Variants in DLG2 observed in about 807,000 individuals in gnomAD.
The protein encoded by DLG2 is disks large homolog 2.
Under a neutral mutation model 132.5 loss-of-function variants are expected in DLG2, and 45 were observed. The observed-to-expected ratio is 0.34, with a 90% CI of 0.27 to 0.44. The LOEUF (loss-of-function observed/expected upper bound fraction) is 0.44. Among genes scored for constraint, DLG2 ranks in the 20% least tolerant of loss-of-function variants. DLG2 has a pLI of 1.00. For synonymous variants in DLG2, 424 were observed against 419.6 expected, an observed-to-expected ratio of 1.01 and a Z score of -0.13; for missense variants, 1,045 against 1,196.9, an observed-to-expected ratio of 0.87 and a Z score of 1.87.
Position 84,725,997 on chromosome 11 carries a change from C to T in DLG2, c.358-191266G>A, listed in dbSNP as rs543844765. ...CTCCTTAGACCCTTTCTCAGCTCTT[C>T]CATACTCCTCTTACTGAAGAACACA... is the stretch of plus-strand genomic sequence containing the variant. On this transcript the variant is annotated intron_variant, in intron 6 of 27. Coordinates refer to ENST00000376104, the MANE Select transcript of DLG2 (RefSeq NM_001142699.3). Among the ~76,000 whole-genome samples, 2 of 152,230 alleles carry T rather than the reference C, an allele frequency of 1.3e-5. 1 individual carries two copies. Among genetic ancestry groups the T allele is most frequent in the South Asian group, 4.2e-4 (2 of 4,816 alleles).
intron 6 of DLG2, among the ~76,000 whole-genome samples, chr11:85,018,349 G>A (rs1051864305): frequency 6.6e-6 from 1 of 152,088 alleles, no homozygotes; most frequent in African/African-American, 2.4e-5. Flanking sequence ...CACTTTATAT[G>A]TACCTGGAAG....
At chr11:84,445,377 G>T (rs1345378905) in intron 7 of DLG2, among the ~76,000 whole-genome samples, 3 of 152,054 alleles carry the variant, frequency 2.0e-5, no homozygotes, top group Non-Finnish European at 4.4e-5. Flanking sequence ...AATGATAGTA[G>T]ACTAGACTTT....
intron 9 of DLG2, among the ~76,000 whole-genome samples, 179 bp downstream of exon 9, chr11:84,163,282 G>A (rs994533152): frequency 3.3e-5 from 5 of 152,050 alleles, no homozygotes; most frequent in Non-Finnish European, 1.5e-5. Flanking sequence ...CAGTTATTTG[G>A]TCTGCTGTCT....
chr11:85,021,722 G>T, intron 6 of DLG2: 1 of 757,322 alleles, frequency 1.3e-6, no homozygotes, highest in Non-Finnish European at 2.3e-6. Flanking sequence ...TCCCATAGGA[G>T]TGAGGAGGGA....
chr11:85,209,443 G>GTTTTTTT (rs1171176251), intron 4 of DLG2, among the ~76,000 whole-genome samples: 12 of 25,938 alleles, frequency 4.6e-4, no homozygotes, highest in Non-Finnish European at 9.4e-4. Flanking sequence ...AAAGAAATCA[G>GTTTTTTT]TCTTTTTTTT....
chr11:84,154,144 C>G (rs560358542), intron 9 of DLG2, among the ~76,000 whole-genome samples: 38 of 152,216 alleles, frequency 2.5e-4, no homozygotes, highest in Non-Finnish European at 3.8e-4. Flanking sequence ...ACTACAGGCA[C>G]ACGCCAACAT....
At chr11:83,634,765 T>C (rs1036988116) in intron 18 of DLG2, among the ~76,000 whole-genome samples, 1 of 152,188 alleles carries the variant, frequency 6.6e-6, no homozygotes, top group Non-Finnish European at 1.5e-5. Context: ...TCTAAAAGAT[T>C]TGACCTTAGT....
chr11:84,441,132 AATTATT>A (rs57445306), intron 7 of DLG2, among the ~76,000 whole-genome samples: 3 of 148,594 alleles, frequency 2.0e-5, no homozygotes, highest in African/African-American at 5.0e-5. Flanking sequence ...GATGTTAGTA[AATTATT>A]ATTATTATTA....
intron 6 of DLG2, among the ~76,000 whole-genome samples, chr11:85,107,927 T>TTAA (rs1555371723): frequency 7.6e-5 from 2 of 26,270 alleles, no homozygotes; most frequent in African/African-American, 1.6e-4. Flanking sequence ...GGACAAGTCT[T>TTAA]AAAAAAAAAA....
intron 3 of DLG2, among the ~76,000 whole-genome samples, chr11:85,415,504 C>A (rs1321811082): frequency 6.6e-6 from 1 of 152,188 alleles, no homozygotes; most frequent in Non-Finnish European, 1.5e-5. Context: ...TATTTCTCCA[C>A]ATCCTCTCCA....
intron 7 of DLG2, among the ~76,000 whole-genome samples, chr11:84,331,402 CA>C (rs1375423637): frequency 2.0e-5 from 3 of 147,370 alleles, no homozygotes; most frequent in Non-Finnish European, 4.5e-5. Context: ...AGTCAGATTC[CA>C]AATCCTGATG....
At chr11:85,384,978 T>G (rs778936627) in intron 3 of DLG2, among the ~76,000 whole-genome samples, 3 of 152,222 alleles carry the variant, frequency 2.0e-5, no homozygotes, top group Non-Finnish European at 4.4e-5. Flanking sequence ...AAAATTACAT[T>G]CTTAGCTCAT....
intron 4 of DLG2, among the ~76,000 whole-genome samples, chr11:85,217,286 G>A (rs1376955270): frequency 6.8e-6 from 1 of 147,416 alleles, no homozygotes; most frequent in East Asian, 2.0e-4. Flanking sequence ...ATATACCGCA[G>A]ATCCCACCAT....
At chr11:84,703,012 T>C (rs566780957) in intron 6 of DLG2, among the ~76,000 whole-genome samples, 1 of 151,812 alleles carries the variant, frequency 6.6e-6, no homozygotes, top group South Asian at 2.1e-4. Context: ...ATGCCTGATA[T>C]CACTTTGTCC....
In DLG2 at chr11:85,410,282, T is replaced by C. The variant is rs564875344; in HGVS notation, c.41-124917A>G. Among the ~76,000 whole-genome samples the C allele has an allele frequency of 2.0e-5, 3 of 151,910 alleles. No homozygotes were observed. The South Asian group carries it at 6.2e-4, about 31-fold the overall frequency. On this transcript the variant is annotated intron_variant, in intron 3 of 27. Transcript: ENST00000376104. ...CATCTTCTTCAAAGTGCAAGAGCTG[T>C]CTTGAGCAAGATAAATAAAATGTAA...
chr11:83,702,151 T>G (rs2083067337), intron 18 of DLG2, among the ~76,000 whole-genome samples: 2 of 152,188 alleles, frequency 1.3e-5, no homozygotes, highest in Admixed American at 1.3e-4. Flanking sequence ...TCCCCTTAAC[T>G]TTCACTTTTT....
chr11:83,783,964 T>C (rs1019979028), intron 18 of DLG2, among the ~76,000 whole-genome samples: 3 of 152,216 alleles, frequency 2.0e-5, no homozygotes, highest in Non-Finnish European at 4.4e-5. Flanking sequence ...AAAAAATCCT[T>C]GAAGACAAAG....
intron 7 of DLG2, among the ~76,000 whole-genome samples, chr11:84,278,896 T>C (rs2097819953): frequency 6.6e-6 from 1 of 152,118 alleles, no homozygotes; most frequent in Admixed American, 6.5e-5. Context: ...ACATGTGCCA[T>C]GGTGGATTGC....
intron 4 of DLG2, among the ~76,000 whole-genome samples, chr11:85,271,606 G>GGGC (rs1284756845): frequency 6.6e-6 from 1 of 152,192 alleles, no homozygotes; most frequent in African/African-American, 2.4e-5. Context: ...ATAGCCAGAG[G>GGGC]GGCTGAGCTG....
Sources: allele counts gnomAD v4.1 joint callset (sites outside exome capture counted in the v4.1 genomes callset), GRCh38; gene constraint gnomAD v4.1.1; transcripts MANE v1.5; gene names NCBI Gene and HGNC (gene_info 2026-07-23, HGNC 2026-07-21).